Variants in KMT2C observed in about 807,000 individuals in gnomAD.
KMT2C encodes the protein histone-lysine N-methyltransferase 2C.
In KMT2C, 88 loss-of-function variants were observed where a neutral mutation model predicts 507.9. The observed-to-expected ratio is 0.17, with a 90% CI of 0.15 to 0.21. KMT2C has a LOEUF of 0.21. Ranked by LOEUF, KMT2C falls within the 10% of genes least tolerant of loss-of-function variation. The pLI, the probability that KMT2C is intolerant of heterozygous loss-of-function variation, is 1.00. For synonymous variants in KMT2C, 2,049 were observed against 2,080.8 expected, an observed-to-expected ratio of 0.98 and a Z score of 0.42; for missense variants, 4,954 against 5,957.8, an observed-to-expected ratio of 0.83 and a Z score of 5.55.
intron 6 of KMT2C, among the ~76,000 whole-genome samples, chr7:152,292,504 A>G (rs1400779790): frequency 6.6e-6 from 1 of 152,222 alleles, no homozygotes; most frequent in East Asian, 1.9e-4. Context: ...CCCATAAAAC[A>G]TTAGTTTTAA....
intron 1 of KMT2C, among the ~76,000 whole-genome samples, chr7:152,379,032 C>A (rs993893801): frequency 4.6e-5 from 7 of 152,200 alleles, no homozygotes; most frequent in African/African-American, 1.4e-4. Context: ...TCTCCTTCAA[C>A]AGCCTGGTCT....
chr7:152,433,140 T>C (rs1026100386), intron 1 of KMT2C, among the ~76,000 whole-genome samples: 8 of 150,850 alleles, frequency 5.3e-5, no homozygotes, highest in Admixed American at 5.3e-4. Flanking sequence ...AGAGCAAGAC[T>C]TCGTCCAGAA....
At chr7:152,180,216 T>C (rs2093385398) in intron 36 of KMT2C, 90 bp from the exon 37 acceptor site, 9 of 1,369,468 alleles carry the variant, frequency 6.6e-6, no homozygotes, top group Non-Finnish European at 8.2e-6. Flanking sequence ...ATATGGGATC[T>C]TGCTATGTTG....
At chr7:152,334,625 C>A (rs553951593) in intron 2 of KMT2C, among the ~76,000 whole-genome samples, 2 of 152,098 alleles carry the variant, frequency 1.3e-5, no homozygotes, top group East Asian at 1.9e-4. Context: ...GAAGCAACTG[C>A]GCAACCTCAT....
chr7:152,419,452 G>A lies in KMT2C; in HGVS notation c.161+16174C>T, dbSNP rs539017197. On this transcript the variant is annotated intron_variant, in intron 1 of 58. Transcript: ENST00000262189. ...TTAACAAAAAAAGTACAAGACCTGT[G>A]CATTGAAAATTATAAAATACTACAA... is the stretch of plus-strand genomic sequence containing the variant. Among the ~76,000 whole-genome samples the A allele has an allele frequency of 1.1e-4, 16 of 152,242 alleles. 1 individual carries two copies. In the South Asian group the frequency reaches 3.1e-3, roughly 30 times the overall value.
intron 6 of KMT2C, among the ~76,000 whole-genome samples, chr7:152,284,970 T>C (rs1023319024): frequency 6.6e-6 from 1 of 152,116 alleles, no homozygotes; most frequent in African/African-American, 2.4e-5. Context: ...AACGGAGAAG[T>C]ATACAGACAC....
chr7:152,252,184 A>T (rs2095573291), intron 10 of KMT2C, 94 bp from the exon 11 acceptor site: 2 of 877,950 alleles, frequency 2.3e-6, no homozygotes, highest in Non-Finnish European at 3.3e-6. Context: ...ATATGAAAAC[A>T]GTTAATTAAG....
At position 152,187,855 on chromosome 7, in the gene KMT2C, G is replaced by T. The variant is rs571071277; in HGVS notation, c.4661-8C>A. ...GCATCCGTGAAAAAGCATCTTCAGAGAAAAAAATAATTCCGTTGGCATGAT... is the reference window on the plus strand; with the variant it reads ...GCATCCGTGAAAAAGCATCTTCAGATAAAAAAATAATTCCGTTGGCATGAT... On this transcript the variant is annotated splice_polypyrimidine_tract_variant and splice_region_variant and intron_variant, in intron 31 of 58. Coordinates refer to ENST00000262189, the MANE Select transcript of KMT2C (RefSeq NM_170606.3). 1 of 1,611,656 alleles carries T rather than the reference G, an allele frequency of 6.2e-7. No homozygotes were observed. The highest frequency in any genetic ancestry group is 1.1e-5 in the South Asian group (1 of 90,410).
At chr7:152,260,669 C>T (rs2095754390) in intron 9 of KMT2C, among the ~76,000 whole-genome samples, 2 of 152,156 alleles carry the variant, frequency 1.3e-5, no homozygotes, top group Admixed American at 1.3e-4. Flanking sequence ...TAATATGAAA[C>T]ATTATACTGT....
rs529655988 is a variant in KMT2C, at chr7:152,422,463, A to G, written c.161+13163T>C. Among the ~76,000 whole-genome samples, 420 of 151,990 alleles carry G rather than the reference A, an allele frequency of 2.8e-3. 1 individual carries two copies. Among genetic ancestry groups the G allele is most frequent in the Non-Finnish European group, 4.0e-3 (274 of 67,968 alleles). On this transcript the variant is annotated intron_variant, in intron 1 of 58. Coordinates refer to ENST00000262189, the MANE Select transcript of KMT2C (RefSeq NM_170606.3). ...AGCAAGACTCTGTCTCAAAAAGAAA[A>G]AAAAAGAAAACCCTGGGGGCTCAGG...
Position 152,152,730 on chromosome 7 carries a change from A to G in KMT2C, c.12501T>C (p.Asn4167=), listed in dbSNP as rs151266980. ...LVSSYRLKQP[N]VPFPPTSNGL... The stretch of plus-strand genomic sequence containing the variant: ...CATTGCTTGTTGGAGGAAATGGTAC[A>G]TTAGGCTGCTTCAGCCGGTAAGAGC... The change falls in exon 49 of 59, where the codon AAT becomes AAC. Residue 4167 remains asparagine, a synonymous_variant. Coordinates refer to ENST00000262189, the MANE Select transcript of KMT2C (RefSeq NM_170606.3). 9.9e-4 allele frequency: 1,596 copies of G among 1,614,214 alleles called. 17 individuals carry two copies. In the African/African-American group the frequency reaches 0.019, roughly 19 times the overall value.
At position 152,350,318 on chromosome 7, in the gene KMT2C, G is replaced by A. The variant is rs770514375; in HGVS notation, c.250+8269C>T. Among the ~76,000 whole-genome samples the A allele has an allele frequency of 4.6e-5, 7 of 152,096 alleles. No homozygotes were observed. The East Asian group carries it at 5.8e-4, about 13-fold the overall frequency. On this transcript the variant is annotated intron_variant, in intron 2 of 58. Coordinates refer to ENST00000262189, the MANE Select transcript of KMT2C (RefSeq NM_170606.3). ...TATGCTAGAAGTAACTGAATGTATCGATGTGAACTCACATTTGTAAGTGTG... is the reference window on the plus strand; with the variant it reads ...TATGCTAGAAGTAACTGAATGTATCAATGTGAACTCACATTTGTAAGTGTG...
chr7:152,422,474 C>T (rs982023467), intron 1 of KMT2C, among the ~76,000 whole-genome samples: 1 of 151,558 alleles, frequency 6.6e-6, no homozygotes, highest in African/African-American at 2.4e-5. Flanking sequence ...AAAAAGAAAA[C>T]CCTGGGGGCT....
At chr7:152,232,824 C>T (rs184332890) in intron 16 of KMT2C, among the ~76,000 whole-genome samples, 1 of 152,068 alleles carries the variant, frequency 6.6e-6, no homozygotes, top group Non-Finnish European at 1.5e-5. Flanking sequence ...AGTCATAGAA[C>T]TAATGATGCA....
chr7:152,352,898 T>C (rs1243455141), intron 2 of KMT2C, among the ~76,000 whole-genome samples: 1 of 152,202 alleles, frequency 6.6e-6, no homozygotes, highest in African/African-American at 2.4e-5. Context: ...GGGGCTCCCA[T>C]GAGCCAAACT....
chr7:152,146,208 G>C (rs1012357229), intron 53 of KMT2C, among the ~76,000 whole-genome samples: 8 of 152,166 alleles, frequency 5.3e-5, no homozygotes, highest in African/African-American at 1.9e-4. Context: ...CTAGGAAGAG[G>C]GCAGGAGAGT....
At chr7:152,274,977 G>C (rs1208049056) in intron 6 of KMT2C, among the ~76,000 whole-genome samples, 9 of 152,152 alleles carry the variant, frequency 5.9e-5, no homozygotes, top group Non-Finnish European at 1.3e-4. Context: ...AAACAGCTTA[G>C]CTGAGATAAC....
Position 152,154,335 on chromosome 7 carries a change from A to C in KMT2C, c.12071T>G (p.Val4024Gly). Residue 4024 changes from valine to glycine, a missense_variant, in exon 47 of 59, where the codon GTC (valine) becomes GGC (glycine). By Grantham distance (109) the Val-to-Gly change is moderately radical. This residue lies in a region of KMT2C where 417 missense variants were observed against 461.1 expected (regional missense o/e 0.90). Coordinates refer to ENST00000262189, the MANE Select transcript of KMT2C (RefSeq NM_170606.3). ...CACCGGTTCTGGAGGCTCCTCCTTG[A>C]CCAATGACAGATCTGGATACCTGCT... The part of the protein sequence containing the change: ...EVSRYPDLSL[V>G]KEEPPEPVPS... The C allele has an allele frequency of 6.2e-7, 1 of 1,614,196 alleles. No homozygotes were observed. Among genetic ancestry groups the C allele is most frequent in the Non-Finnish European group, 8.5e-7 (1 of 1,180,022 alleles).
chr7:152,337,158 T>TA (rs1491375941), intron 2 of KMT2C, among the ~76,000 whole-genome samples: 1 of 152,090 alleles, frequency 6.6e-6, no homozygotes, highest in Non-Finnish European at 1.5e-5. Context: ...TAGACCCAGC[T>TA]ATTCAGGAGG....
Sources: allele counts gnomAD v4.1 joint callset (sites outside exome capture counted in the v4.1 genomes callset), GRCh38; gene constraint gnomAD v4.1.1; regional missense constraint gnomAD v4.1.1; transcripts MANE v1.5; gene names NCBI Gene and HGNC (gene_info 2026-07-23, HGNC 2026-07-21).